Variants in RCN2 observed in about 807,000 individuals in gnomAD.
The protein encoded by RCN2 is reticulocalbin 2, also known as reticulocalbin-2.
In RCN2, 23 loss-of-function variants were observed where a neutral mutation model predicts 37.5. The observed-to-expected ratio is 0.61, with a 90% CI of 0.44 to 0.87. The LOEUF (loss-of-function observed/expected upper bound fraction) is 0.87. RCN2 is among the 40% of genes least tolerant of loss of function. The pLI, the probability that RCN2 is intolerant of heterozygous loss-of-function variation, is 0.00. For missense variants in RCN2, 381 were observed against 390.4 expected (o/e 0.98, Z 0.20); for synonymous variants, 140 against 144.6 (o/e 0.97, Z 0.23).
chr15:76,935,869 G>A, intron 3 of RCN2, 147 bp downstream of exon 3: 1 of 565,186 alleles, frequency 1.8e-6, no homozygotes, highest in African/African-American at 2.0e-5. Context: ...CAGTCATTTT[G>A]ATGGTTTCCT....
intron 2 of RCN2, 143 bp downstream of exon 2, chr15:76,932,609 C>T (rs2075229292): frequency 1.6e-6 from 1 of 632,666 alleles, no homozygotes; most frequent in Admixed American, 2.6e-5. Context: ...AGGCTTTATA[C>T]TTACAAATCT....
intron 4 of RCN2, among the ~76,000 whole-genome samples, chr15:76,945,253 C>T (rs2075292349): frequency 6.6e-6 from 1 of 152,184 alleles, no homozygotes; most frequent in African/African-American, 2.4e-5. Flanking sequence ...TCAGTGCCTT[C>T]CTTATCCTTT....
At position 76,953,765 on chromosome 15, in the gene RCN2, A is replaced by ATG. The variant is rs1568463715; in HGVS notation, c.*4543_*4544insTG. 2.9e-5 allele frequency: 4 copies of ATG among 136,698 alleles called. No homozygotes were observed. The highest frequency in any genetic ancestry group is 7.4e-5 in the Admixed American group (1 of 13,498). The allele number at this position is 136,698 out of a possible 1,614,324, so 8.5% of individuals were successfully genotyped here. Reference sequence around the variant, plus strand: ...TGGGACTATAGGCGCCTGCCACCGCACCCGGCTAATTTTTTGTATTTTTAG... The same window carrying ATG: ...TGGGACTATAGGCGCCTGCCACCGCATGCCCGGCTAATTTTTTGTATTTTTAG... On this transcript the variant is annotated 3_prime_UTR_variant, in exon 7 of 7. Coordinates refer to ENST00000394885, the MANE Select transcript of RCN2 (RefSeq NM_002902.3).
chr15:76,947,346 TA>T (rs2075300542), intron 4 of RCN2, 74 bp from the exon 5 acceptor site: 1 of 835,422 alleles, frequency 1.2e-6, no homozygotes, highest in Non-Finnish European at 1.9e-6. Flanking sequence ...AGTTCTGTAG[TA>T]GAATTGAATC....
intron 3 of RCN2, chr15:76,941,422 A>G: frequency 2.6e-6 from 1 of 390,630 alleles, no homozygotes; most frequent in Admixed American, 4.2e-5. Context: ...CACATTATAT[A>G]TTTCCTCATG....
At chr15:76,934,344 C>T (rs371257232) in intron 2 of RCN2, among the ~76,000 whole-genome samples, 13 of 151,786 alleles carry the variant, frequency 8.6e-5, no homozygotes, top group African/African-American at 2.2e-4. Flanking sequence ...GGGTTTTACC[C>T]GAGACCAGGC....
chr15:76,946,328 G>A (rs1328782182), intron 4 of RCN2, among the ~76,000 whole-genome samples: 1 of 152,114 alleles, frequency 6.6e-6, no homozygotes, highest in Non-Finnish European at 1.5e-5. Flanking sequence ...TGCACCTGTG[G>A]TCCTAGCTAC....
At position 76,941,657 on chromosome 15, in the gene RCN2, A is replaced by G. The variant is rs1431316673; in HGVS notation, c.448-2101A>G. On this transcript the variant is annotated intron_variant, in intron 3 of 6. Coordinates refer to ENST00000394885, the MANE Select transcript of RCN2 (RefSeq NM_002902.3). ...TTTAGGAATTTGCCATTTGTAAAAAACAGTCTTTCTGTTTTTGGCTTCTTC... is the reference window on the plus strand; with the variant it reads ...TTTAGGAATTTGCCATTTGTAAAAAGCAGTCTTTCTGTTTTTGGCTTCTTC... The G allele has an allele frequency of 3.3e-6, 5 of 1,506,286 alleles. No homozygotes were observed. The South Asian group carries it at 6.4e-5, about 19-fold the overall frequency. 93.3% of individuals were successfully genotyped at this position (1,506,286 alleles called of 1,614,324 possible). A position where few individuals can be genotyped will look rare whatever the true frequency, so the allele number is the denominator to read the frequency against.
intron 4 of RCN2, among the ~76,000 whole-genome samples, chr15:76,944,438 A>T (rs2152651302): frequency 6.6e-6 from 1 of 152,204 alleles, no homozygotes; most frequent in South Asian, 2.1e-4. Context: ...ACTATAGTCA[A>T]CCCTGTTATG....
At position 76,952,334 on chromosome 15, in the gene RCN2, C is replaced by G. The variant is rs1377467099; in HGVS notation, c.*3112C>G. 4.6e-5 allele frequency: 7 copies of G among 152,054 alleles called. No homozygotes were observed. The highest frequency in any genetic ancestry group is 1.0e-4 in the Non-Finnish European group (7 of 68,038). The allele number at this position is 152,054 out of a possible 1,614,324, so 9.4% of individuals were successfully genotyped here. On this transcript the variant is annotated 3_prime_UTR_variant, in exon 7 of 7. Coordinates refer to ENST00000394885, the MANE Select transcript of RCN2 (RefSeq NM_002902.3). ...TAGTGTGGTAGAATATTTCCCTTGC[C>G]CTAAAGTCTTTCTGCTCCACCTATT...
chr15:76,932,195 C>T (rs556168300), intron 1 of RCN2, among the ~76,000 whole-genome samples, 166 bp from the exon 2 acceptor site: 2 of 152,232 alleles, frequency 1.3e-5, no homozygotes, highest in Non-Finnish European at 2.9e-5. Flanking sequence ...TCCCTTCTAC[C>T]CCTCAGATCA....
rs1568463460 is a variant in RCN2, at chr15:76,953,572, TATATATATATATATATA to T, written c.*4351_*4367del. ...TAGTAATTCTATATATATATATATA[TATATATATATATATATA>T]TATATTTTTTTTTTTTTTTTTTTTT... On this transcript the variant is annotated 3_prime_UTR_variant, in exon 7 of 7. Coordinates refer to ENST00000394885, the MANE Select transcript of RCN2 (RefSeq NM_002902.3). 39 of 18,232 alleles carry T rather than the reference TATATATATATATATATA, an allele frequency of 2.1e-3. No individual in the cohort carries two copies. Among genetic ancestry groups the T allele is most frequent in the Non-Finnish European group, 4.4e-3 (38 of 8,622 alleles). 1.1% of individuals were successfully genotyped at this position (18,232 alleles called of 1,614,324 possible). A position where few individuals can be genotyped will look rare whatever the true frequency, so the allele number is the denominator to read the frequency against.
intron 4 of RCN2, 100 bp from the exon 5 acceptor site, chr15:76,947,321 A>C: frequency 1.4e-6 from 1 of 703,952 alleles, no homozygotes; most frequent in Non-Finnish European, 2.4e-6. Context: ...AAAAATTATC[A>C]TTTATTTCTA....
chr15:76,938,612 C>A (rs959532024), intron 3 of RCN2: 2 of 413,848 alleles, frequency 4.8e-6, no homozygotes, highest in Non-Finnish European at 1.0e-5. Context: ...CACCCCATTC[C>A]CTCCTTGGTA....
intron 3 of RCN2, among the ~76,000 whole-genome samples, chr15:76,938,454 AT>A (rs2075262258): frequency 1.3e-5 from 2 of 152,208 alleles, no homozygotes; most frequent in Non-Finnish European, 2.9e-5. Flanking sequence ...TCTCACAAAT[AT>A]GGAGGGAGGA....
In RCN2 at chr15:76,932,374, A is replaced by G. The variant is rs1049795344; in HGVS notation, c.158A>G (p.Glu53Gly). 17 of 1,613,458 alleles carry G rather than the reference A, an allele frequency of 1.1e-5. No individual in the cohort carries two copies. Among genetic ancestry groups the G allele is most frequent in the Middle Eastern group, 1.6e-4 (1 of 6,084 alleles). Residue 53 changes from glutamate (E) to glycine (G), a missense_variant, in exon 2 of 7, where the codon GAA becomes GGA. Transcript: ENST00000394885. ...ALLGVQEDVD[E>G]YVKLGHEEQQ... ...TTCCCCCTAAAGGAAGATGTGGATGAATATGTTAAACTCGGCCACGAAGAG... is the reference window on the plus strand; with the variant it reads ...TTCCCCCTAAAGGAAGATGTGGATGGATATGTTAAACTCGGCCACGAAGAG...
intron 3 of RCN2, chr15:76,938,773 G>A (rs1179814613): frequency 2.2e-6 from 1 of 455,924 alleles, no homozygotes; most frequent in Non-Finnish European, 4.4e-6. Context: ...AGTCTGCTTA[G>A]CTTCACATTT....
chr15:76,943,904 A>G, intron 4 of RCN2, 33 bp downstream of exon 4: 1 of 1,250,146 alleles, frequency 8.0e-7, no homozygotes. Context: ...AGAATTATTG[A>G]GTGACCAAAA....
At chr15:76,938,682 C>T (rs922747975) in intron 3 of RCN2, 1 of 451,830 alleles carries the variant, frequency 2.2e-6, no homozygotes, top group African/African-American at 2.0e-5. Context: ...CTCTGTAAGC[C>T]ACCACTAACT....
Sources: allele counts gnomAD v4.1 joint callset (sites outside exome capture counted in the v4.1 genomes callset), GRCh38; gene constraint gnomAD v4.1.1; transcripts MANE v1.5; gene names NCBI Gene and HGNC (gene_info 2026-07-23, HGNC 2026-07-21).